REV1: variants seen among roughly 807,000 people sequenced by gnomAD.
REV1 encodes the protein REV1 DNA directed polymerase.
REV1 carries 42 observed loss-of-function variants against 137.4 expected under a neutral mutation model. The observed-to-expected ratio is 0.31, with a 90% CI of 0.24 to 0.40. The LOEUF (loss-of-function observed/expected upper bound fraction) is 0.40. Among genes scored for constraint, REV1 ranks in the 10% least tolerant of loss-of-function variants. The pLI is 1.00. For missense variants in REV1, 1,282 were observed against 1,490.1 expected, an observed-to-expected ratio of 0.86 and a Z score of 2.30; for synonymous variants, 524 against 519.2, an observed-to-expected ratio of 1.01 and a Z score of -0.12.
intron 1 of REV1, among the ~76,000 whole-genome samples, chr2:99,468,750 A>G (rs1302258068): frequency 2.6e-5 from 4 of 152,236 alleles, no homozygotes; most frequent in African/African-American, 7.2e-5. Context: ...TAAAAAACGG[A>G]TGAAGAGTGA....
intron 12 of REV1, among the ~76,000 whole-genome samples, chr2:99,417,638 G>A (rs904990667): frequency 6.6e-6 from 1 of 152,160 alleles, no homozygotes; most frequent in East Asian, 1.9e-4. Context: ...GCTTCAGAAA[G>A]AGCCAACCCT....
At chr2:99,425,313 T>C (rs1260498928) in intron 9 of REV1, among the ~76,000 whole-genome samples, 2 of 152,154 alleles carry the variant, frequency 1.3e-5, no homozygotes, top group Non-Finnish European at 2.9e-5. Flanking sequence ...ACATGCATTT[T>C]TATGTTTATA....
rs373850478 is a variant in REV1 at position 99,454,550 on chromosome 2, CAAAAAAAAAAAAAAAAAAAAAAAAA to C, written c.182-5071_182-5047del. The stretch of plus-strand genomic sequence containing the variant: ...GGGCAACAAGAGTGAAACTCCAGCT[CAAAAAAAAAAAAAAAAAAAAAAAAA>C]AAAAAAAAAAAAAAAACCCAAAAAT... On this transcript the variant is annotated intron_variant, in intron 3 of 22. Transcript: ENST00000258428. Among the ~76,000 whole-genome samples the C allele has an allele frequency of 4.3e-3, 352 of 82,364 alleles. 5 individuals are homozygous for C. The highest frequency in any genetic ancestry group is 0.019 in the Middle Eastern group (2 of 108). 54.0% of individuals were successfully genotyped at this position (82,364 alleles called of 152,430 possible). A position where few individuals can be genotyped will look rare whatever the true frequency, so the allele number is the denominator to read the frequency against.
chr2:99,413,536 GAC>G (rs1187064604), intron 12 of REV1, among the ~76,000 whole-genome samples: 2 of 152,132 alleles, frequency 1.3e-5, no homozygotes, highest in African/African-American at 4.8e-5. Context: ...TGGGGTAGAA[GAC>G]AGACTTTTTT....
At chr2:99,426,555 C>CA (rs1679397794) in intron 9 of REV1, among the ~76,000 whole-genome samples, 1 of 152,148 alleles carries the variant, frequency 6.6e-6, no homozygotes, top group Admixed American at 6.5e-5. Flanking sequence ...AAGTTACAAA[C>CA]AAAAAACGAA....
intron 9 of REV1, chr2:99,424,590 C>T: frequency 2.2e-6 from 1 of 457,562 alleles, no homozygotes; most frequent in Non-Finnish European, 3.7e-6. Context: ...TGCCAGCATG[C>T]CATATGCTGG....
At position 99,406,123 on chromosome 2, in the gene REV1, T is replaced by C. The variant is rs538858395; in HGVS notation, c.2615-17A>G. 5.0e-6 allele frequency: 8 copies of C among 1,595,938 alleles called. No individual in the cohort carries two copies. Among genetic ancestry groups the C allele is most frequent in the Middle Eastern group, 3.3e-4 (2 of 6,006 alleles). On this transcript the variant is annotated splice_polypyrimidine_tract_variant and intron_variant, in intron 16 of 22. Coordinates refer to ENST00000258428, the MANE Select transcript of REV1 (RefSeq NM_016316.4). ...CCCGAAATACTACAAAAAGAAAATA[T>C]ATAAAATAGCCTCTTCAGATCATCG...
At position 99,434,414 on chromosome 2, in the gene REV1, T is replaced by G. The variant is rs769429936; in HGVS notation, c.1356A>C (p.Thr452=). The change falls in exon 8 of 23, where the codon ACA becomes ACC. Residue 452 remains threonine (T), a synonymous_variant. Coordinates refer to ENST00000258428, the MANE Select transcript of REV1 (RefSeq NM_016316.4). The part of the protein sequence containing the change: ...KPVAVTSNRG[T]GRAPLRPGAN... The stretch of plus-strand genomic sequence containing the variant: ...CGCCAGGACGTAAAGGTGCCCTTCC[T>G]GTGCCTCTGTTACTTGTAACAGCCA... The G allele has an allele frequency of 1.4e-5, 23 of 1,603,654 alleles. No homozygotes were observed. Among genetic ancestry groups the G allele is most frequent in the Non-Finnish European group, 2.0e-5 (23 of 1,175,294 alleles).
chr2:99,481,529 G>C (rs966637816), intron 1 of REV1, among the ~76,000 whole-genome samples: 6 of 152,200 alleles, frequency 3.9e-5, no homozygotes, highest in African/African-American at 1.2e-4. Flanking sequence ...CATAAATTGA[G>C]CAAGTGTCTG....
rs926389885 is a variant in REV1, at chr2:99,489,529, T to C, written c.-11+288A>G. On this transcript the variant is annotated intron_variant, in intron 1 of 22. Transcript: ENST00000258428. Reference sequence around the variant, plus strand: ...CCAGGGGTCGGCGCGGGGCGGCCCATGGGGCTGGCGGCGGCGCGGGGCCGG... The same window carrying C: ...CCAGGGGTCGGCGCGGGGCGGCCCACGGGGCTGGCGGCGGCGCGGGGCCGG... Among the ~76,000 whole-genome samples, 249 of 144,630 alleles carry C rather than the reference T, an allele frequency of 1.7e-3. 2 individuals carry two copies. The highest frequency in any genetic ancestry group is 3.5e-3 in the South Asian group (16 of 4,510). The allele number at this position is 144,630 out of a possible 152,430, so 94.9% of individuals were successfully genotyped here.
At chr2:99,427,405 G>A (rs1575064522) in intron 9 of REV1, among the ~76,000 whole-genome samples, 1 of 152,124 alleles carries the variant, frequency 6.6e-6, no homozygotes, top group Non-Finnish European at 1.5e-5. Context: ...GCTCTCTACT[G>A]TAAGTATAGG....
At chr2:99,463,495 G>A (rs1318562922) in intron 2 of REV1, among the ~76,000 whole-genome samples, 1 of 152,162 alleles carries the variant, frequency 6.6e-6, no homozygotes, top group African/African-American at 2.4e-5. Context: ...ACCCCAGCCT[G>A]GACAACAAGA....
chr2:99,443,736 C>G (rs777314954), intron 4 of REV1, among the ~76,000 whole-genome samples: 4 of 152,152 alleles, frequency 2.6e-5, no homozygotes, highest in African/African-American at 4.8e-5. Flanking sequence ...TACCAAAATT[C>G]AGGTTACATT....
chr2:99,468,968 A>G (rs1318736865), intron 1 of REV1, among the ~76,000 whole-genome samples: 1 of 152,222 alleles, frequency 6.6e-6, no homozygotes, highest in African/African-American at 2.4e-5. Flanking sequence ...TGATAACAGT[A>G]GACTAGATAC....
At chr2:99,450,646 T>C (rs1434871178) in intron 3 of REV1, among the ~76,000 whole-genome samples, 3 of 152,190 alleles carry the variant, frequency 2.0e-5, no homozygotes, top group Admixed American at 1.3e-4. Flanking sequence ...GTAGAAAATA[T>C]TATGCAAGCC....
At chr2:99,444,102 G>T (rs1043335500) in intron 4 of REV1, among the ~76,000 whole-genome samples, 1 of 152,174 alleles carries the variant, frequency 6.6e-6, no homozygotes, top group African/African-American at 2.4e-5. Flanking sequence ...TTACAGGTGT[G>T]AGCCACCGCG....
chr2:99,440,529 G>A (rs1357281167), intron 5 of REV1, among the ~76,000 whole-genome samples: 1 of 152,248 alleles, frequency 6.6e-6, no homozygotes, highest in East Asian at 1.9e-4. Context: ...CATATGGAAT[G>A]TGACAGGCAA....
chr2:99,411,274 G>T lies in REV1; in HGVS notation c.2173-407C>A, dbSNP rs533568868. ...CTGCATTCCAGCCTGGGCGACAGAG[G>T]GAGACTCCGTCTCAAAAAAGTAAAA... On this transcript the variant is annotated intron_variant, in intron 13 of 22. Coordinates refer to ENST00000258428, the MANE Select transcript of REV1 (RefSeq NM_016316.4). Among the ~76,000 whole-genome samples the T allele has an allele frequency of 4.4e-4, 67 of 152,010 alleles. 1 individual carries two copies. Among genetic ancestry groups the T allele is most frequent in the African/African-American group, 1.6e-3 (67 of 41,480 alleles).
At chr2:99,426,309 T>G (rs1679358783) in intron 9 of REV1, among the ~76,000 whole-genome samples, 1 of 151,278 alleles carries the variant, frequency 6.6e-6, no homozygotes, top group South Asian at 2.1e-4. Flanking sequence ...ATCGTGCCAT[T>G]GCACCTCAGC....
Sources: gnomAD v4.1 joint callset for allele counts (sites outside exome capture counted in the v4.1 genomes callset) on GRCh38, gnomAD v4.1.1 for gene constraint, MANE v1.5 for transcripts, NCBI Gene and HGNC (gene_info 2026-07-23, HGNC 2026-07-21) for gene names.